ATP7B: variants seen among roughly 807,000 people sequenced by gnomAD.
The protein encoded by ATP7B is copper-transporting ATPase 2.
A neutral mutation model predicts 118.9 loss-of-function variants in ATP7B; 113 were observed. That is an observed-to-expected ratio of 0.95 (90% CI 0.82 to 1.11). ATP7B has a LOEUF of 1.11. Among genes scored for constraint, ATP7B ranks in the 50% most tolerant of loss-of-function variants. ATP7B has a pLI of 0.00. For missense variants in ATP7B, 1,867 were observed against 1,871.4 expected (o/e 1.00, Z 0.04); for synonymous variants, 777 against 727.4 (o/e 1.07, Z -1.10).
At chr13:51,973,020 A>T (rs1161608755) in intron 2 of ATP7B, among the ~76,000 whole-genome samples, 2 of 151,996 alleles carry the variant, frequency 1.3e-5, no homozygotes, top group African/African-American at 2.4e-5. Flanking sequence ...AAAATTAAAA[A>T]ATTTTTTAAT....
chr13:51,939,312 T>G (rs762284999), intron 16 of ATP7B, 119 bp from the exon 17 acceptor site: 9 of 1,461,678 alleles, frequency 6.2e-6, no homozygotes, highest in Admixed American at 1.9e-5. Flanking sequence ...CATCAAATTA[T>G]ATAACACAAT....
chr13:51,943,284 G>A (rs141675502), intron 14 of ATP7B, among the ~76,000 whole-genome samples: 18 of 152,252 alleles, frequency 1.2e-4, no homozygotes, highest in Non-Finnish European at 2.2e-4. Flanking sequence ...CCTTCTAAGC[G>A]GTTTTCCAGA....
Position 51,950,413 on chromosome 13 carries a change from C to T in ATP7B, c.2448-14G>A. On this transcript the variant is annotated splice_polypyrimidine_tract_variant and intron_variant, in intron 9 of 20. Transcript: ENST00000242839. ...ACTTGCTCCTCCCTGCAACAAACGC[C>T]ACTTATCACTCACATGGCCACTCAT... 1 of 1,613,646 alleles carries T rather than the reference C, an allele frequency of 6.2e-7. No individual in the cohort carries two copies. Among genetic ancestry groups the T allele is most frequent in the Non-Finnish European group, 8.5e-7 (1 of 1,180,038 alleles).
intron 1 of ATP7B, 61 bp downstream of exon 1, chr13:52,011,226 G>T: frequency 6.2e-7 from 1 of 1,613,514 alleles, no homozygotes; most frequent in Non-Finnish European, 8.5e-7. Context: ...CCGAACGCGG[G>T]GAGGAAAATC....
chr13:51,960,523 C>T (rs1958665373), intron 6 of ATP7B, among the ~76,000 whole-genome samples: 1 of 152,158 alleles, frequency 6.6e-6, no homozygotes, highest in Non-Finnish European at 1.5e-5. Context: ...CTAAACATCA[C>T]TATAAGGAGG....
At chr13:51,952,541 C>G (rs1392906021) in intron 9 of ATP7B, among the ~76,000 whole-genome samples, 1 of 152,206 alleles carries the variant, frequency 6.6e-6, no homozygotes, top group East Asian at 1.9e-4. Flanking sequence ...TCTTCCCAGA[C>G]ACATACAAGG....
chr13:51,943,043 AG>A (rs1295767342), intron 14 of ATP7B, among the ~76,000 whole-genome samples: 1 of 152,178 alleles, frequency 6.6e-6, no homozygotes, highest in African/African-American at 2.4e-5. Flanking sequence ...CTGGAGGAGG[AG>A]GGGACAAGGT....
Position 51,968,600 on chromosome 13 carries a change from G to C in ATP7B, c.1551C>G (p.Leu517=), listed in dbSNP as rs866939606. ...CTGCCATCAAGGCAACCAACACGGAGAGAACACCTGGAACCATCAGGTCAT... is the reference window on the plus strand; with the variant it reads ...CTGCCATCAAGGCAACCAACACGGACAGAACACCTGGAACCATCAGGTCAT... ...ERNLQKEAGV[L]SVLVALMAGK... Residue 517 remains leucine, a synonymous_variant, in exon 4 of 21, where the codon CTC becomes CTG. Coordinates refer to ENST00000242839, the MANE Select transcript of ATP7B (RefSeq NM_000053.4). 2 of 1,613,990 alleles carry C rather than the reference G, an allele frequency of 1.2e-6. No homozygotes were observed. Among genetic ancestry groups the C allele is most frequent in the African/African-American group, 1.3e-5 (1 of 74,900 alleles).
At chr13:51,949,627 C>T (rs374177273) in intron 12 of ATP7B, 35 bp downstream of exon 12, 2 of 1,610,676 alleles carry the variant, frequency 1.2e-6, no homozygotes, top group South Asian at 1.1e-5. Flanking sequence ...TTATTTAAAA[C>T]ACAACCACCA....
At position 51,944,117 on chromosome 13, in the gene ATP7B, A is replaced by G. The variant is rs1376645882; in HGVS notation, c.3235T>C (p.Cys1079Arg). ...HPLGVAVTKY[C>R]KEELGTETLG... ...CGCCCAAGTCCACGTACCTCTTTAC[A>G]GTATTTGGTGACTGCCACGCCCAAG... The change falls in exon 14 of 21, where the codon TGT becomes CGT. Residue 1079 changes from cysteine to arginine, a missense_variant. Transcript: ENST00000242839. The G allele has an allele frequency of 1.9e-6, 3 of 1,614,108 alleles. No homozygotes were observed. Among genetic ancestry groups the G allele is most frequent in the Non-Finnish European group, 2.5e-6 (3 of 1,180,006 alleles).
At chr13:51,965,580 G>A (rs189883734) in intron 4 of ATP7B, among the ~76,000 whole-genome samples, 31 of 152,248 alleles carry the variant, frequency 2.0e-4, no homozygotes, top group African/African-American at 7.2e-4. Flanking sequence ...AATCAAAGGT[G>A]GTCCCAAGGT....
At chr13:51,935,324 A>T (rs1266517100) in intron 20 of ATP7B, among the ~76,000 whole-genome samples, 3 of 152,238 alleles carry the variant, frequency 2.0e-5, no homozygotes, top group Non-Finnish European at 4.4e-5. Flanking sequence ...GATCATACAC[A>T]GGGACCCATG....
chr13:51,956,037 G>A (rs537106349), intron 9 of ATP7B, among the ~76,000 whole-genome samples: 5 of 152,336 alleles, frequency 3.3e-5, no homozygotes, highest in Admixed American at 1.3e-4. Flanking sequence ...GCTGCCTCAC[G>A]GAACAGCTAC....
At chr13:51,936,226 C>G (rs1409056580) in intron 19 of ATP7B, among the ~76,000 whole-genome samples, 1 of 152,192 alleles carries the variant, frequency 6.6e-6, no homozygotes, top group African/African-American at 2.4e-5. Flanking sequence ...GGCACATACA[C>G]TGGGGGAATT....
At chr13:51,965,655 C>A (rs1470068503) in intron 4 of ATP7B, among the ~76,000 whole-genome samples, 2 of 152,178 alleles carry the variant, frequency 1.3e-5, no homozygotes, top group African/African-American at 2.4e-5. Flanking sequence ...AAAAAGACGA[C>A]AGGCAGGATA....
In ATP7B at chr13:52,009,935, T is replaced by C. The variant is rs115209725; in HGVS notation, c.51+1352A>G. On this transcript the variant is annotated intron_variant, in intron 1 of 20. Transcript: ENST00000242839. The stretch of plus-strand genomic sequence containing the variant: ...GAGAGTGCACATAGAGGGATATGAG[T>C]GCCTAACACAATGCCCAGCACACAG... 6.5e-3 allele frequency among the ~76,000 whole-genome samples: 994 copies of C among 152,188 alleles called. 5 individuals carry two copies. Among genetic ancestry groups the C allele is most frequent in the African/African-American group, 0.018 (766 of 41,508 alleles).
chr13:52,011,278 A>C lies in ATP7B; in HGVS notation c.51+9T>G, dbSNP rs374787021. On this transcript the variant is annotated intron_variant, in intron 1 of 20. Coordinates refer to ENST00000242839, the MANE Select transcript of ATP7B (RefSeq NM_000053.4). ...GCACGCTGCGCGGACGCGGGGGAAC[A>C]AAACTCACTTTCCGACTGGCCCCTT... The C allele has an allele frequency of 1.2e-6, 2 of 1,614,226 alleles. No individual in the cohort carries two copies. The highest frequency in any genetic ancestry group is 2.7e-5 in the African/African-American group (2 of 75,070).
intron 4 of ATP7B, 116 bp downstream of exon 4, chr13:51,968,325 CCAA>C: frequency 1.4e-6 from 2 of 1,456,290 alleles, no homozygotes; most frequent in Non-Finnish European, 1.9e-6. Flanking sequence ...AACAAAATAC[CCAA>C]CAACAACAAA....
intron 12 of ATP7B, chr13:51,947,973 G>C (rs374757607): frequency 2.6e-5 from 4 of 152,232 alleles, no homozygotes; most frequent in Non-Finnish European, 5.9e-5. Context: ...GTCTTCCCAT[G>C]GCCATATGCC....
Sources: gnomAD v4.1 joint callset for allele counts (sites outside exome capture counted in the v4.1 genomes callset) on GRCh38, gnomAD v4.1.1 for gene constraint, MANE v1.5 for transcripts, NCBI Gene and HGNC (gene_info 2026-07-23, HGNC 2026-07-21) for gene names.